Variants in PLXDC2 observed in about 807,000 individuals in gnomAD.
PLXDC2 encodes the protein plexin domain-containing protein 2.
A neutral mutation model predicts 68.9 loss-of-function variants in PLXDC2; 40 were observed. The ratio of observed to expected loss-of-function variants is 0.58; its 90% confidence interval spans 0.45 to 0.76. The LOEUF (loss-of-function observed/expected upper bound fraction) is 0.76, where lower values mean the gene tolerates loss of function less well. PLXDC2 is among the 30% of genes least tolerant of loss of function. The pLI, the probability that PLXDC2 is intolerant of heterozygous loss-of-function variation, is 0.00. For synonymous variants in PLXDC2, 243 were observed against 234.2 expected, an observed-to-expected ratio of 1.04 and a Z score of -0.34; for missense variants, 644 against 661.9, an observed-to-expected ratio of 0.97 and a Z score of 0.30.
chr10:20,193,220 G>A (rs1834792412), intron 9 of PLXDC2, among the ~76,000 whole-genome samples: 2 of 152,164 alleles, frequency 1.3e-5, no homozygotes, highest in South Asian at 4.1e-4. Context: ...CATATGGCCT[G>A]TAAGCCCAGA....
intron 1 of PLXDC2, among the ~76,000 whole-genome samples, chr10:19,955,799 G>A (rs1440620809): frequency 6.6e-6 from 1 of 152,124 alleles, no homozygotes; most frequent in Non-Finnish European, 1.5e-5. Context: ...AACATTCTTG[G>A]CTGGGCGTGG....
chr10:20,145,782 T>A (rs534159383), intron 5 of PLXDC2, among the ~76,000 whole-genome samples: 24 of 152,192 alleles, frequency 1.6e-4, no homozygotes, highest in African/African-American at 5.1e-4. Flanking sequence ...CTGGATCTCC[T>A]GACCTCGTGA....
chr10:20,152,737 C>T (rs1834167626), intron 6 of PLXDC2, among the ~76,000 whole-genome samples: 2 of 152,188 alleles, frequency 1.3e-5, no homozygotes, highest in South Asian at 4.1e-4. Context: ...AAATGTCTTA[C>T]AGGTCTGTCT....
chr10:19,820,734 T>G (rs1836452819), intron 1 of PLXDC2, among the ~76,000 whole-genome samples: 8 of 151,534 alleles, frequency 5.3e-5, no homozygotes, highest in African/African-American at 2.0e-4. Flanking sequence ...AAACATTATG[T>G]TTTTAAAGAG....
At chr10:19,891,896 A>G (rs1443089685) in intron 1 of PLXDC2, among the ~76,000 whole-genome samples, 1 of 152,218 alleles carries the variant, frequency 6.6e-6, no homozygotes, top group Non-Finnish European at 1.5e-5. Context: ...TTTACAGAAT[A>G]GGTTAAAGGA....
At chr10:19,940,615 AATC>A (rs1348584280) in intron 1 of PLXDC2, among the ~76,000 whole-genome samples, 3 of 152,088 alleles carry the variant, frequency 2.0e-5, no homozygotes, top group African/African-American at 7.2e-5. Flanking sequence ...TCTGAAAATA[AATC>A]ATCATTGTCT....
intron 1 of PLXDC2, among the ~76,000 whole-genome samples, chr10:19,897,227 C>CTTTTTTTTTTTTTTT (rs558204823): frequency 7.1e-6 from 1 of 139,972 alleles, no homozygotes; most frequent in African/African-American, 2.7e-5. Flanking sequence ...ATTCCCTTCT[C>CTTTTTTTTTTTTTTT]TTTTTTTTTT....
chr10:20,241,580 G>A (rs891787398), intron 12 of PLXDC2, among the ~76,000 whole-genome samples: 2 of 152,160 alleles, frequency 1.3e-5, no homozygotes, highest in African/African-American at 4.8e-5. Flanking sequence ...GAGCCCAGGA[G>A]TTCAAAATGA....
intron 2 of PLXDC2, among the ~76,000 whole-genome samples, chr10:20,002,970 C>T (rs1233335531): frequency 6.6e-6 from 1 of 152,036 alleles, no homozygotes; most frequent in Non-Finnish European, 1.5e-5. Context: ...ATGATTGGTC[C>T]CTCTGACTGT....
chr10:20,056,664 T>G (rs1836005080), intron 3 of PLXDC2, among the ~76,000 whole-genome samples: 2 of 152,300 alleles, frequency 1.3e-5, no homozygotes, highest in African/African-American at 4.8e-5. Context: ...ATAACAAACC[T>G]TAGCTTCCCA....
At chr10:19,875,176 A>C (rs955484609) in intron 1 of PLXDC2, among the ~76,000 whole-genome samples, 1 of 152,196 alleles carries the variant, frequency 6.6e-6, no homozygotes, top group African/African-American at 2.4e-5. Flanking sequence ...CCGATGTAGG[A>C]AGTGGTGCAG....
At chr10:19,910,733 G>A (rs554142237) in intron 1 of PLXDC2, among the ~76,000 whole-genome samples, 15 of 151,848 alleles carry the variant, frequency 9.9e-5, no homozygotes, top group Admixed American at 2.0e-4. Context: ...AGTTCAGGCC[G>A]GGTGCAGTGG....
At chr10:20,193,282 G>T (rs946864305) in intron 9 of PLXDC2, among the ~76,000 whole-genome samples, 6 of 151,942 alleles carry the variant, frequency 3.9e-5, no homozygotes, top group Non-Finnish European at 5.9e-5. Context: ...ATAAATGGAG[G>T]ATACATAACA....
At position 19,942,844 on chromosome 10, in the gene PLXDC2, A is replaced by G. The variant is rs911171310; in HGVS notation, c.113-58931A>G. Among the ~76,000 whole-genome samples the G allele has an allele frequency of 4.6e-5, 7 of 152,192 alleles. No homozygotes were observed. The East Asian group carries it at 7.7e-4, about 17-fold the overall frequency. On this transcript the variant is annotated intron_variant, in intron 1 of 13. Coordinates refer to ENST00000377252, the MANE Select transcript of PLXDC2 (RefSeq NM_032812.9). Reference sequence around the variant, plus strand: ...CAAAAAATACTCGAAAGAAAAGTCAAATCTACTTTCTGGTGTATATTATAT... The same window carrying G: ...CAAAAAATACTCGAAAGAAAAGTCAGATCTACTTTCTGGTGTATATTATAT...
rs1837787717 is a variant in PLXDC2 at position 19,883,892 on chromosome 10, T to TTTTTTTTTTTA, written c.112+66711_112+66712insATTTTTTTTTT. 2.2e-5 allele frequency among the ~76,000 whole-genome samples: 2 copies of TTTTTTTTTTTA among 90,762 alleles called. 1 individual carries two copies. Among genetic ancestry groups the TTTTTTTTTTTA allele is most frequent in the Admixed American group, 2.9e-4 (2 of 6,956 alleles). 59.5% of individuals were successfully genotyped at this position (90,762 alleles called of 152,430 possible). Reference sequence around the variant, plus strand: ...CTCCAGATCCCTTTAAACTTTTTTTTTTTTTTTTTTTTTTTTTTTAGCAGA... The same window carrying TTTTTTTTTTTA: ...CTCCAGATCCCTTTAAACTTTTTTTTTTTTTTTTTTATTTTTTTTTTTTTTTTTTTAGCAGA... On this transcript the variant is annotated intron_variant, in intron 1 of 13. Coordinates refer to ENST00000377252, the MANE Select transcript of PLXDC2 (RefSeq NM_032812.9).
chr10:19,895,386 T>TTGCAAAA (rs780761000), intron 1 of PLXDC2, among the ~76,000 whole-genome samples: 20 of 152,218 alleles, frequency 1.3e-4, no homozygotes, highest in Non-Finnish European at 2.5e-4. Flanking sequence ...GTGAGCTTCC[T>TTGCAAAA]GTGCAATTCT....
At chr10:20,135,929 G>A (rs79731985) in intron 4 of PLXDC2, among the ~76,000 whole-genome samples, 3 of 152,082 alleles carry the variant, frequency 2.0e-5, no homozygotes, top group Non-Finnish European at 2.9e-5. Flanking sequence ...TAACTCTTTG[G>A]TGATTGACAA....
At chr10:20,146,506 T>TCCTTCCTTCCTTCCTTCCTC (rs1305867293) in intron 5 of PLXDC2, among the ~76,000 whole-genome samples, 21 of 143,896 alleles carry the variant, frequency 1.5e-4, no homozygotes, top group African/African-American at 5.4e-4. Context: ...CTTCCTTCCT[T>TCCTTCCTTCCTTCCTTCCTC]CCTTCCTTCC....
chr10:19,978,671 C>T (rs1365447039), intron 1 of PLXDC2, among the ~76,000 whole-genome samples: 9 of 152,160 alleles, frequency 5.9e-5, no homozygotes, highest in African/African-American at 1.9e-4. Flanking sequence ...TCTAGATTCA[C>T]CCCTCAGTAA....
Sources: gnomAD v4.1 joint callset for allele counts (sites outside exome capture counted in the v4.1 genomes callset) on GRCh38, gnomAD v4.1.1 for gene constraint, MANE v1.5 for transcripts, NCBI Gene and HGNC (gene_info 2026-07-23, HGNC 2026-07-21) for gene names.